Variants in ADAMTS6 observed in about 807,000 individuals in gnomAD.
The protein encoded by ADAMTS6 is ADAM metallopeptidase with thrombospondin type 1 motif 6.
In ADAMTS6, 23 loss-of-function variants were observed where a neutral mutation model predicts 144.3. That is an observed-to-expected ratio of 0.16 (90% confidence interval 0.11 to 0.23). ADAMTS6 has a LOEUF of 0.23. Among genes scored for constraint, ADAMTS6 ranks in the 10% least tolerant of loss-of-function variants. The probability of loss-of-function intolerance (pLI) is 1.00; values close to 1 mark genes in which losing one functional copy is unlikely to be tolerated. For synonymous variants in ADAMTS6, 444 were observed against 457.5 expected, an observed-to-expected ratio of 0.97 and a Z score of 0.38; for missense variants, 999 against 1,379.6, an observed-to-expected ratio of 0.72 and a Z score of 4.37.
chr5:65,342,580 C>A (rs530193319), intron 7 of ADAMTS6, among the ~76,000 whole-genome samples: 9 of 152,158 alleles, frequency 5.9e-5, no homozygotes, highest in African/African-American at 1.4e-4. Context: ...CCCTATGTGA[C>A]AAACCCACAG....
intron 7 of ADAMTS6, among the ~76,000 whole-genome samples, chr5:65,435,396 A>G (rs550685283): frequency 2.6e-5 from 4 of 152,240 alleles, no homozygotes; most frequent in Middle Eastern, 3.4e-3. Context: ...CAAATATGAT[A>G]AAAATGTTTA....
intron 10 of ADAMTS6, among the ~76,000 whole-genome samples, chr5:65,293,131 A>G (rs1180107208): frequency 6.6e-6 from 1 of 152,100 alleles, no homozygotes; most frequent in Admixed American, 6.6e-5. Flanking sequence ...TGAATAGTAC[A>G]ATGGAAAAAG....
chr5:65,310,617 G>C lies in ADAMTS6; in HGVS notation c.1224-10486C>G, dbSNP rs1329245527. On this transcript the variant is annotated intron_variant, in intron 9 of 24. Coordinates refer to ENST00000381055, the MANE Select transcript of ADAMTS6 (RefSeq NM_197941.4). ...CAAATAAGCCTATTTAACCTATTTT[G>C]CACACTAAATCATTGTCTGTGAAAT... 4.6e-5 allele frequency among the ~76,000 whole-genome samples: 7 copies of C among 152,048 alleles called. No homozygotes were observed. In the East Asian group the frequency reaches 1.2e-3, roughly 25 times the overall value.
intron 7 of ADAMTS6, among the ~76,000 whole-genome samples, chr5:65,339,945 T>C (rs1035584509): frequency 6.6e-6 from 1 of 152,098 alleles, no homozygotes; most frequent in African/African-American, 2.4e-5. Context: ...AACCATATTT[T>C]ATGAAATAAT....
intron 24 of ADAMTS6, among the ~76,000 whole-genome samples, chr5:65,167,494 A>G (rs1177392520): frequency 1.3e-5 from 2 of 151,766 alleles, no homozygotes; most frequent in African/African-American, 4.8e-5. Context: ...AACTATTCCA[A>G]TCAATAGAAA....
intron 7 of ADAMTS6, among the ~76,000 whole-genome samples, chr5:65,381,529 ATTTT>A (rs748143650): frequency 5.8e-5 from 6 of 103,128 alleles, no homozygotes; most frequent in South Asian, 3.4e-4. Flanking sequence ...TGCCTGGCTA[ATTTT>A]TTTTTTTTTT....
At chr5:65,442,681 T>A (rs1265077657) in intron 7 of ADAMTS6, among the ~76,000 whole-genome samples, 2 of 152,114 alleles carry the variant, frequency 1.3e-5, no homozygotes, top group Non-Finnish European at 2.9e-5. Context: ...ATATATATAT[T>A]TTTATTGATT....
rs938363439 is a variant in ADAMTS6 at position 65,294,691 on chromosome 5, A to G, written c.1371-3221T>C. ...TTTTCATGCCTCTGAGTCATCAATT[A>G]CCATTATGAAATATTACAGATATAG... On this transcript the variant is annotated intron_variant, in intron 10 of 24. Transcript: ENST00000381055. Among the ~76,000 whole-genome samples the G allele has an allele frequency of 3.9e-5, 6 of 152,310 alleles. No homozygotes were observed. In the East Asian group the frequency reaches 1.2e-3, roughly 29 times the overall value.
At chr5:65,474,425 T>G (rs1760697098) in intron 1 of ADAMTS6, among the ~76,000 whole-genome samples, 1 of 151,968 alleles carries the variant, frequency 6.6e-6, no homozygotes. Context: ...CTACAAATAG[T>G]GACATTTAGC....
chr5:65,192,653 CT>C (rs35427862), intron 21 of ADAMTS6, among the ~76,000 whole-genome samples: 79,722 of 146,160 alleles, frequency 0.55, 21,582 homozygotes, highest in African/African-American at 0.57. Context: ...AATTCCTTTC[CT>C]TTTTTTTTTT....
At chr5:65,455,909 A>G (rs1298482754) in intron 4 of ADAMTS6, among the ~76,000 whole-genome samples, 1 of 151,986 alleles carries the variant, frequency 6.6e-6, no homozygotes, top group African/African-American at 2.4e-5. Context: ...GTTTTTAAAA[A>G]TTTTAGTTTG....
intron 2 of ADAMTS6, 96 bp from the exon 3 acceptor site, chr5:65,471,238 G>C: frequency 8.0e-7 from 1 of 1,254,332 alleles, no homozygotes; most frequent in South Asian, 1.6e-5. Flanking sequence ...CAACAACTAT[G>C]TCAATTAAAA....
At chr5:65,176,986 T>C (rs944469019) in intron 22 of ADAMTS6, among the ~76,000 whole-genome samples, 6 of 152,216 alleles carry the variant, frequency 3.9e-5, no homozygotes, top group Non-Finnish European at 7.3e-5. Flanking sequence ...TCTTCCACTT[T>C]CCTTTCCCTC....
At chr5:65,267,918 G>A (rs1488666761) in intron 12 of ADAMTS6, among the ~76,000 whole-genome samples, 3 of 152,184 alleles carry the variant, frequency 2.0e-5, no homozygotes, top group Non-Finnish European at 4.4e-5. Flanking sequence ...CACTGTGCAG[G>A]TGCAGGAATG....
intron 5 of ADAMTS6, 64 bp downstream of exon 5, chr5:65,452,643 T>A: frequency 2.6e-6 from 4 of 1,555,584 alleles, no homozygotes; most frequent in Non-Finnish European, 3.5e-6. Context: ...AGCAAAAATT[T>A]ATGACCTTAG....
chr5:65,190,054 T>C (rs1425920751), intron 21 of ADAMTS6, among the ~76,000 whole-genome samples: 3 of 152,352 alleles, frequency 2.0e-5, no homozygotes, highest in East Asian at 3.9e-4. Context: ...GTCAGAGTAC[T>C]AGTATCCTAA....
Position 65,172,970 on chromosome 5 carries a change from A to T in ADAMTS6, c.2949T>A (p.Ile983=). 1 of 1,614,154 alleles carries T rather than the reference A, an allele frequency of 6.2e-7. No homozygotes were observed. Among genetic ancestry groups the T allele is most frequent in the African/African-American group, 1.3e-5 (1 of 75,058 alleles). The change falls in exon 23 of 25, where the codon ATT becomes ATA. Residue 983 remains isoleucine, a synonymous_variant. Coordinates refer to ENST00000381055, the MANE Select transcript of ADAMTS6 (RefSeq NM_197941.4). ...AAAGGTCACTGCTCTTGCACAGAAC[A>T]ATCCGATGCTTGAATCCTGGACCAC... ...PKCGPGFKHR[I]VLCKSSDLSK...
intron 9 of ADAMTS6, among the ~76,000 whole-genome samples, chr5:65,309,591 T>TAC (rs149843490): frequency 0.25 from 37,314 of 147,106 alleles, 4,670 homozygotes; most frequent in African/African-American, 0.32. Flanking sequence ...CCTGTTATAA[T>TAC]ACACACACAC....
chr5:65,336,155 AT>A (rs1747287327), intron 7 of ADAMTS6, among the ~76,000 whole-genome samples: 2 of 152,084 alleles, frequency 1.3e-5, no homozygotes, highest in South Asian at 4.1e-4. Flanking sequence ...ATGAGTATAT[AT>A]ACAGATTGAG....
Sources: gnomAD v4.1 joint callset for allele counts (sites outside exome capture counted in the v4.1 genomes callset) on GRCh38, gnomAD v4.1.1 for gene constraint, MANE v1.5 for transcripts, NCBI Gene and HGNC (gene_info 2026-07-23, HGNC 2026-07-21) for gene names.